The following PRKG2 variants were observed in gnomAD, a reference collection of about 807,000 sequenced individuals.
PRKG2 encodes cGMP-dependent protein kinase 2.
Under a neutral mutation model 97.2 loss-of-function variants are expected in PRKG2, and 33 were observed. The ratio of observed to expected loss-of-function variants is 0.34; its 90% CI spans 0.26 to 0.45. PRKG2 has a LOEUF of 0.45. PRKG2 is among the 20% of genes least tolerant of loss of function. The pLI, the probability that PRKG2 is intolerant of heterozygous loss-of-function variation, is 1.00. For missense variants in PRKG2, 638 were observed against 900.0 expected (o/e 0.71, Z 3.73); for synonymous variants, 330 against 321.8 (o/e 1.03, Z -0.27).
intron 1 of PRKG2, among the ~76,000 whole-genome samples, chr4:81,214,321 G>A (rs921496108): frequency 6.6e-6 from 1 of 151,938 alleles, no homozygotes; most frequent in Non-Finnish European, 1.5e-5. Flanking sequence ...CAGCTGCTTC[G>A]TAGTTGCACC....
chr4:81,182,348 A>C (rs903970734), intron 2 of PRKG2, among the ~76,000 whole-genome samples: 11 of 151,980 alleles, frequency 7.2e-5, no homozygotes, highest in Admixed American at 2.0e-4. Flanking sequence ...CACCTGTAAT[A>C]ATTTTTGAAT....
rs551583450 is a variant in PRKG2, at chr4:81,136,138, A to G, written c.1635-842T>C. Among the ~76,000 whole-genome samples the G allele has an allele frequency of 1.2e-3, 184 of 152,302 alleles. 1 individual carries two copies. The highest frequency in any genetic ancestry group is 6.8e-3 in the Middle Eastern group (2 of 294). On this transcript the variant is annotated intron_variant, in intron 13 of 18. Transcript: ENST00000264399. ...AGAAGACGCTAATGCATTTGCAGGT[A>G]TCACAAAAGTCTCCTCACCCTTCCA...
chr4:81,189,063 T>TAAAAAAAAAA (rs1401411435), intron 2 of PRKG2, among the ~76,000 whole-genome samples: 26 of 6,398 alleles, frequency 4.1e-3, no homozygotes, highest in East Asian at 7.3e-3. Flanking sequence ...TTAAAAAAAA[T>TAAAAAAAAAA]AATAAAAAAA....
intron 14 of PRKG2, among the ~76,000 whole-genome samples, chr4:81,128,948 T>C (rs923964044): frequency 6.6e-6 from 1 of 152,226 alleles, no homozygotes; most frequent in Non-Finnish European, 1.5e-5. Context: ...TCCCACTTTC[T>C]CCTGTGGGCA....
At chr4:81,094,689 G>GAA (rs1741939758) in intron 17 of PRKG2, among the ~76,000 whole-genome samples, 2 of 152,022 alleles carry the variant, frequency 1.3e-5, no homozygotes, top group African/African-American at 4.8e-5. Flanking sequence ...ATATTTGAAA[G>GAA]AGCCAGAATG....
At chr4:81,180,092 C>A (rs1236509106) in intron 2 of PRKG2, among the ~76,000 whole-genome samples, 1 of 151,924 alleles carries the variant, frequency 6.6e-6, no homozygotes. Context: ...GAGATCGCAC[C>A]ATTGCACTCC....
chr4:81,169,896 C>T, intron 4 of PRKG2, 128 bp from the exon 5 acceptor site: 1 of 566,166 alleles, frequency 1.8e-6, no homozygotes, highest in Non-Finnish European at 2.9e-6. Flanking sequence ...ATTATTTAAA[C>T]ATACAAATGA....
At chr4:81,117,767 G>A (rs959683828) in intron 14 of PRKG2, among the ~76,000 whole-genome samples, 43 of 151,948 alleles carry the variant, frequency 2.8e-4, no homozygotes, top group African/African-American at 9.9e-4. Context: ...TATATAAATA[G>A]CTTTCCCCAT....
intron 17 of PRKG2, among the ~76,000 whole-genome samples, chr4:81,102,760 A>G (rs546869422): frequency 3.3e-5 from 5 of 152,324 alleles, no homozygotes; most frequent in Admixed American, 2.6e-4. Flanking sequence ...TAACACATAC[A>G]GTAAAATTGG....
intron 13 of PRKG2, among the ~76,000 whole-genome samples, chr4:81,135,879 A>G (rs1216546682): frequency 6.6e-6 from 1 of 151,924 alleles, no homozygotes; most frequent in African/African-American, 2.4e-5. Flanking sequence ...TCTCACAGAG[A>G]AACATGGCTT....
At chr4:81,206,669 A>C (rs144609227) in intron 1 of PRKG2, among the ~76,000 whole-genome samples, 1 of 152,354 alleles carries the variant, frequency 6.6e-6, no homozygotes, top group East Asian at 1.9e-4. Flanking sequence ...GAAATGAAAC[A>C]GTTTTATAAC....
chr4:81,215,886 AT>A (rs368207862), upstream of PRKG2, among the ~76,000 whole-genome samples: 4 of 150,512 alleles, frequency 2.7e-5, no homozygotes, highest in South Asian at 2.1e-4. Context: ...TTTTGAGTAC[AT>A]TTTTTTTTCC....
chr4:81,169,079 T>C (rs1285670224), intron 5 of PRKG2, among the ~76,000 whole-genome samples: 1 of 152,020 alleles, frequency 6.6e-6, no homozygotes, highest in Non-Finnish European at 1.5e-5. Flanking sequence ...TATTTCCTTA[T>C]AAATTGATTC....
chr4:81,204,064 C>T (rs547884961), intron 2 of PRKG2, among the ~76,000 whole-genome samples: 1 of 152,274 alleles, frequency 6.6e-6, no homozygotes, highest in East Asian at 1.9e-4. Flanking sequence ...GCTAGAAAGG[C>T]TCTGTTTCTA....
intron 2 of PRKG2, among the ~76,000 whole-genome samples, chr4:81,203,059 T>C (rs1240325849): frequency 6.6e-6 from 1 of 151,658 alleles, no homozygotes; most frequent in Non-Finnish European, 1.5e-5. Context: ...TAATGCACAT[T>C]CTGTAATATT....
chr4:81,152,112 C>T, intron 7 of PRKG2, 58 bp from the exon 8 acceptor site: 1 of 1,312,256 alleles, frequency 7.6e-7, no homozygotes, highest in South Asian at 1.2e-5. Flanking sequence ...AGAATCTGAA[C>T]ACACATTCAT....
In PRKG2 at chr4:81,196,281, T is replaced by C. The variant is rs79143314; in HGVS notation, c.461+8306A>G. 8.8e-3 allele frequency among the ~76,000 whole-genome samples: 1,347 copies of C among 152,270 alleles called. 22 individuals are homozygous for C. Among genetic ancestry groups the C allele is most frequent in the African/African-American group, 0.03 (1,266 of 41,544 alleles). ...GAAATGAACACGGCCAGTTGACCCT[T>C]TGACTGCAGCCTTGTGGCTGACGTC... On this transcript the variant is annotated intron_variant, in intron 2 of 18. Coordinates refer to ENST00000264399, the MANE Select transcript of PRKG2 (RefSeq NM_006259.3).
At chr4:81,161,723 G>A (rs1749604018) in intron 6 of PRKG2, among the ~76,000 whole-genome samples, 2 of 152,042 alleles carry the variant, frequency 1.3e-5, no homozygotes, top group South Asian at 4.1e-4. Flanking sequence ...TACCCTCAGA[G>A]TCTCTCTGGA....
At chr4:81,094,981 T>C (rs573431328) in intron 17 of PRKG2, among the ~76,000 whole-genome samples, 1 of 152,256 alleles carries the variant, frequency 6.6e-6, no homozygotes, top group Admixed American at 6.5e-5. Context: ...CAGAATGGGA[T>C]GGTGATGCGT....
Sources: allele counts gnomAD v4.1 joint callset (sites outside exome capture counted in the v4.1 genomes callset), GRCh38; gene constraint gnomAD v4.1.1; transcripts MANE v1.5; gene names NCBI Gene and HGNC (gene_info 2026-07-23, HGNC 2026-07-21).